The following UPP2 variants were observed in gnomAD, a reference collection of about 807,000 sequenced individuals.
UPP2 encodes uridine phosphorylase 2.
In UPP2, 23 loss-of-function variants were observed where a neutral mutation model predicts 26.7. The observed-to-expected ratio is 0.86, with a 90% CI of 0.62 to 1.22. The LOEUF (loss-of-function observed/expected upper bound fraction) is 1.22. Ranked by LOEUF, UPP2 falls within the 50% of genes most tolerant of loss-of-function variation. The pLI is 0.00. For missense variants in UPP2, 387 were observed against 396.7 expected (o/e 0.98, Z 0.21); for synonymous variants, 127 against 141.3 (o/e 0.90, Z 0.72).
intron 3 of UPP2, among the ~76,000 whole-genome samples, chr2:158,029,915 G>T (rs533058115): frequency 5.9e-5 from 9 of 152,058 alleles, no homozygotes; most frequent in African/African-American, 2.2e-4. Flanking sequence ...TAGAAAGCAG[G>T]CATGGCAATT....
chr2:158,024,665 C>T (rs951933036), intron 3 of UPP2, among the ~76,000 whole-genome samples: 1 of 152,116 alleles, frequency 6.6e-6, no homozygotes, highest in African/African-American at 2.4e-5. Context: ...TAATCAAATA[C>T]TGACATGATC....
intron 3 of UPP2, among the ~76,000 whole-genome samples, chr2:158,056,301 T>A (rs1157299528): frequency 1.3e-5 from 2 of 152,176 alleles, no homozygotes; most frequent in Non-Finnish European, 2.9e-5. Flanking sequence ...TATTAATATC[T>A]TATATTACAC....
At chr2:158,017,009 A>C (rs1683670111) in intron 3 of UPP2, among the ~76,000 whole-genome samples, 1 of 152,224 alleles carries the variant, frequency 6.6e-6, no homozygotes, top group Non-Finnish European at 1.5e-5. Flanking sequence ...CTACTGTAAT[A>C]AATAAAAGGA....
At chr2:158,033,144 G>C (rs939047251) in intron 3 of UPP2, among the ~76,000 whole-genome samples, 4 of 152,156 alleles carry the variant, frequency 2.6e-5, no homozygotes, top group African/African-American at 9.7e-5. Flanking sequence ...CTGGCCTGAA[G>C]CATACTGAAG....
intron 3 of UPP2, among the ~76,000 whole-genome samples, chr2:158,023,262 G>A (rs1162609923): frequency 6.7e-6 from 1 of 149,948 alleles, no homozygotes; most frequent in Non-Finnish European, 1.5e-5. Context: ...TTTCAGTCCA[G>A]TGCTGCTTTA....
chr2:158,118,817 G>A (rs1398663267), intron 4 of UPP2, among the ~76,000 whole-genome samples: 2 of 152,014 alleles, frequency 1.3e-5, no homozygotes, highest in Admixed American at 1.3e-4. Flanking sequence ...CAAGTAGGTG[G>A]AGAAGTGGTG....
chr2:158,128,732 C>T (rs557321303), intron 6 of UPP2, among the ~76,000 whole-genome samples: 2 of 152,220 alleles, frequency 1.3e-5, no homozygotes, highest in African/African-American at 4.8e-5. Context: ...AGTCTCTGGA[C>T]GGAAGAGCCA....
chr2:158,084,980 C>CT (rs1194290297), intron 3 of UPP2, among the ~76,000 whole-genome samples: 1 of 151,934 alleles, frequency 6.6e-6, no homozygotes, highest in African/African-American at 2.4e-5. Flanking sequence ...TATGCAGACT[C>CT]TTTTTTTGTT....
chr2:158,119,602 A>C (rs1385221123), intron 4 of UPP2, among the ~76,000 whole-genome samples: 1 of 152,020 alleles, frequency 6.6e-6, no homozygotes, highest in Non-Finnish European at 1.5e-5. Flanking sequence ...AACACATTTA[A>C]ATATTAAGAT....
At chr2:158,075,203 T>C (rs765121798) in intron 3 of UPP2, among the ~76,000 whole-genome samples, 8 of 152,228 alleles carry the variant, frequency 5.3e-5, no homozygotes, top group East Asian at 1.9e-4. Context: ...ACTTTCAGCA[T>C]TGGACAGATC....
intron 3 of UPP2, among the ~76,000 whole-genome samples, chr2:158,089,248 C>A (rs1682867632): frequency 6.6e-6 from 1 of 151,996 alleles, no homozygotes. Flanking sequence ...ATGTAGGTTG[C>A]CAGGAGAGTG....
At chr2:158,035,593 C>A (rs58232846) in intron 3 of UPP2, among the ~76,000 whole-genome samples, 1 of 152,160 alleles carries the variant, frequency 6.6e-6, no homozygotes, top group Non-Finnish European at 1.5e-5. Context: ...GGGCACCATA[C>A]CCTACTACTG....
At chr2:158,061,651 A>G (rs1682353526) in intron 3 of UPP2, among the ~76,000 whole-genome samples, 1 of 152,212 alleles carries the variant, frequency 6.6e-6, no homozygotes, top group African/African-American at 2.4e-5. Context: ...AACAGACAGT[A>G]TCACTGTCTC....
intron 3 of UPP2, among the ~76,000 whole-genome samples, chr2:158,058,419 C>CTGTGTG (rs70990632): frequency 0.28 from 38,038 of 136,340 alleles, 6,230 homozygotes; most frequent in Middle Eastern, 0.38. Flanking sequence ...TCCCCCCAAC[C>CTGTGTG]TGTGTGTGTG....
intron 3 of UPP2, among the ~76,000 whole-genome samples, chr2:158,081,365 T>C (rs1682724122): frequency 6.6e-6 from 1 of 152,168 alleles, no homozygotes; most frequent in South Asian, 2.1e-4. Context: ...TTTTTTCTAT[T>C]GAAGGGAATG....
Position 158,055,727 on chromosome 2 carries a change from A to T in UPP2, c.147+39841A>T, listed in dbSNP as rs1682236698. The stretch of plus-strand genomic sequence containing the variant: ...CATAACCAACTCCAGCATTTCCAGC[A>T]ATGTCCCAGGGCCTCTCTGCTGTGT... On this transcript the variant is annotated intron_variant, in intron 3 of 9. Transcript: ENST00000605860. 2.6e-5 allele frequency among the ~76,000 whole-genome samples: 4 copies of T among 152,204 alleles called. No individual in the cohort carries two copies. In the South Asian group the frequency reaches 8.3e-4, roughly 32 times the overall value.
chr2:158,122,023 C>T (rs1041673305), intron 5 of UPP2, among the ~76,000 whole-genome samples: 1 of 151,924 alleles, frequency 6.6e-6, no homozygotes, highest in Non-Finnish European at 1.5e-5. Context: ...GGGAGAAATG[C>T]TTGGGGAGGG....
intron 3 of UPP2, among the ~76,000 whole-genome samples, chr2:158,075,792 G>A (rs1269961926): frequency 6.6e-6 from 1 of 150,870 alleles, no homozygotes; most frequent in Admixed American, 6.6e-5. Context: ...AGAAAATCAA[G>A]AGCAAACTAA....
At chr2:158,070,898 T>C (rs1682528073) in intron 3 of UPP2, among the ~76,000 whole-genome samples, 2 of 152,122 alleles carry the variant, frequency 1.3e-5, no homozygotes, top group South Asian at 4.2e-4. Flanking sequence ...GGACTTGATA[T>C]TGAACTCAGT....
Sources: allele counts gnomAD v4.1 joint callset (sites outside exome capture counted in the v4.1 genomes callset), GRCh38; gene constraint gnomAD v4.1.1; transcripts MANE v1.5; gene names NCBI Gene and HGNC (gene_info 2026-07-23, HGNC 2026-07-21).